The following FBXL7 variants were observed in gnomAD, a reference collection of about 807,000 sequenced individuals.
The protein encoded by FBXL7 is F-box/LRR-repeat protein 7.
A neutral mutation model predicts 38.3 loss-of-function variants in FBXL7; 12 were observed. That is an observed-to-expected ratio of 0.31 (90% CI 0.20 to 0.51). The LOEUF (loss-of-function observed/expected upper bound fraction) is 0.51. FBXL7 is among the 20% of genes least tolerant of loss of function. FBXL7 has a pLI of 0.98. For missense variants in FBXL7, 567 were observed against 676.4 expected (o/e 0.84, Z 1.79); for synonymous variants, 297 against 300.9 (o/e 0.99, Z 0.13).
intron 2 of FBXL7, among the ~76,000 whole-genome samples, chr5:15,651,819 A>G (rs1451695599): frequency 6.6e-6 from 1 of 152,182 alleles, no homozygotes; most frequent in Admixed American, 6.5e-5. Flanking sequence ...CCAGGCATTG[A>G]CTTCTCTCTA....
chr5:15,694,558 T>C (rs922065936), intron 2 of FBXL7, among the ~76,000 whole-genome samples: 1 of 152,178 alleles, frequency 6.6e-6, no homozygotes, highest in Non-Finnish European at 1.5e-5. Flanking sequence ...ACCTTGGAAG[T>C]CAGCTTCCAG....
chr5:15,538,067 T>A (rs1294720258), intron 1 of FBXL7, among the ~76,000 whole-genome samples: 2 of 152,200 alleles, frequency 1.3e-5, no homozygotes, highest in Non-Finnish European at 2.9e-5. Flanking sequence ...CTTCTGCACA[T>A]CTTGTTTCTC....
chr5:15,527,957 A>G (rs1737298927), intron 1 of FBXL7, among the ~76,000 whole-genome samples: 1 of 152,242 alleles, frequency 6.6e-6, no homozygotes, highest in South Asian at 2.1e-4. Context: ...CACTGAGAGA[A>G]AAGCCGTTCT....
intron 2 of FBXL7, among the ~76,000 whole-genome samples, chr5:15,784,814 C>A (rs1267429573): frequency 1.3e-5 from 2 of 152,196 alleles, no homozygotes; most frequent in African/African-American, 2.4e-5. Context: ...CCAATTAAAC[C>A]TCTTCTTTAT....
chr5:15,784,594 G>A (rs981291492), intron 2 of FBXL7, among the ~76,000 whole-genome samples: 3 of 152,090 alleles, frequency 2.0e-5, no homozygotes, highest in African/African-American at 7.2e-5. Context: ...CTCATGGCTT[G>A]ATGCTGTCAC....
chr5:15,605,412 T>TGA (rs1283144709), intron 1 of FBXL7, among the ~76,000 whole-genome samples: 2 of 152,150 alleles, frequency 1.3e-5, no homozygotes, highest in African/African-American at 4.8e-5. Context: ...TGAAAAGGAA[T>TGA]GAAACATGGA....
chr5:15,523,013 G>A (rs1210036267), intron 1 of FBXL7, among the ~76,000 whole-genome samples: 2 of 152,180 alleles, frequency 1.3e-5, no homozygotes, highest in East Asian at 1.9e-4. Flanking sequence ...TTAGTTATGT[G>A]TAAATGAAAT....
chr5:15,584,558 T>G (rs1739248276), intron 1 of FBXL7, among the ~76,000 whole-genome samples: 2 of 152,204 alleles, frequency 1.3e-5, no homozygotes, highest in Non-Finnish European at 2.9e-5. Flanking sequence ...CTTCATTGTC[T>G]ACATCACTAT....
intron 2 of FBXL7, among the ~76,000 whole-genome samples, chr5:15,780,175 A>G (rs757013187): frequency 2.0e-5 from 3 of 152,130 alleles, no homozygotes; most frequent in Non-Finnish European, 4.4e-5. Flanking sequence ...TTTCACTAAG[A>G]AAAGAGCAAG....
At chr5:15,516,142 T>TCAGTCTGC (rs1249728140) in intron 1 of FBXL7, among the ~76,000 whole-genome samples, 5 of 152,338 alleles carry the variant, frequency 3.3e-5, no homozygotes, top group African/African-American at 1.2e-4. Flanking sequence ...TCTCTTTCTT[T>TCAGTCTGC]CAGTCTGCTC....
rs1736462376 is a variant in FBXL7 at position 15,500,629 on chromosome 5, C to T, written c.-48C>T. 1.9e-6 allele frequency: 3 copies of T among 1,612,886 alleles called. No homozygotes were observed. Among genetic ancestry groups the T allele is most frequent in the Non-Finnish European group, 2.5e-6 (3 of 1,179,208 alleles). ...TCGGGCCGAGCGCGCAGGACGTGCG[C>T]CGCAGCTATGGAGTGTCCCGGGAGA... On this transcript the variant is annotated 5_prime_UTR_variant, in exon 1 of 4. Transcript: ENST00000504595.
intron 2 of FBXL7, among the ~76,000 whole-genome samples, chr5:15,753,487 T>A (rs1467684100): frequency 4.6e-5 from 7 of 152,206 alleles, no homozygotes; most frequent in African/African-American, 1.7e-4. Flanking sequence ...TTAAAAGCCC[T>A]CATCATTGTG....
At chr5:15,837,607 G>T (rs1305101580) in intron 2 of FBXL7, among the ~76,000 whole-genome samples, 9 of 152,150 alleles carry the variant, frequency 5.9e-5, no homozygotes, top group Admixed American at 5.9e-4. Flanking sequence ...ATTCTAGATA[G>T]AGCTCATTTA....
At chr5:15,784,119 A>G (rs1249446922) in intron 2 of FBXL7, among the ~76,000 whole-genome samples, 1 of 152,050 alleles carries the variant, frequency 6.6e-6, no homozygotes. Context: ...AGTTATTACC[A>G]TTGCTTTGGT....
chr5:15,791,459 T>C (rs1214005579), intron 2 of FBXL7, among the ~76,000 whole-genome samples: 1 of 152,152 alleles, frequency 6.6e-6, no homozygotes, highest in East Asian at 1.9e-4. Flanking sequence ...AAGGAAATAT[T>C]ACATATTTCA....
chr5:15,903,218 C>T (rs1005820156), intron 2 of FBXL7, among the ~76,000 whole-genome samples: 4 of 152,210 alleles, frequency 2.6e-5, no homozygotes, highest in Non-Finnish European at 5.9e-5. Flanking sequence ...AGATCAGACT[C>T]TCAACTCTTT....
intron 2 of FBXL7, among the ~76,000 whole-genome samples, chr5:15,805,604 A>G (rs1299975624): frequency 6.6e-6 from 1 of 152,200 alleles, no homozygotes; most frequent in African/African-American, 2.4e-5. Context: ...GTCTATAAAA[A>G]CTTCCTTCTT....
intron 2 of FBXL7, among the ~76,000 whole-genome samples, chr5:15,713,391 TTGGG>T (rs1483524793): frequency 6.6e-6 from 1 of 152,146 alleles, no homozygotes; most frequent in African/African-American, 2.4e-5. Context: ...AAGATGAGAT[TTGGG>T]TGGGGACACA....
At position 15,631,499 on chromosome 5, in the gene FBXL7, C is replaced by A. The variant is rs543769959; in HGVS notation, c.127+15427C>A. Reference sequence around the variant, plus strand: ...TCACCTGAGGTCAGGAGTTCGAGACCAGACTGACCAACATGGTGAAACCCC... The same window carrying A: ...TCACCTGAGGTCAGGAGTTCGAGACAAGACTGACCAACATGGTGAAACCCC... On this transcript the variant is annotated intron_variant, in intron 2 of 3. Coordinates refer to ENST00000504595, the MANE Select transcript of FBXL7 (RefSeq NM_012304.5). 1.8e-4 allele frequency among the ~76,000 whole-genome samples: 27 copies of A among 151,764 alleles called. No homozygotes were observed. In the East Asian group the frequency reaches 4.9e-3, roughly 27 times the overall value.
Sources: allele counts gnomAD v4.1 joint callset (sites outside exome capture counted in the v4.1 genomes callset), GRCh38; gene constraint gnomAD v4.1.1; transcripts MANE v1.5; gene names NCBI Gene and HGNC (gene_info 2026-07-23, HGNC 2026-07-21).